Variants in FANCD2 observed in about 807,000 individuals in gnomAD.
The protein encoded by FANCD2 is FA complementation group D2, also known as Fanconi anemia group D2 protein.
FANCD2 carries 131 observed loss-of-function variants against 192.3 expected under a neutral mutation model. The ratio of observed to expected loss-of-function variants is 0.68; its 90% CI spans 0.59 to 0.79. The LOEUF is 0.79. Ranked by LOEUF, FANCD2 falls within the 30% of genes least tolerant of loss-of-function variation. The pLI, the probability that FANCD2 is intolerant of heterozygous loss-of-function variation, is 0.00. For missense variants in FANCD2, 1,508 were observed against 1,701.6 expected (o/e 0.89, Z 2.00); for synonymous variants, 524 against 612.5 (o/e 0.86, Z 2.13).
In FANCD2 at chr3:10,070,096, C is replaced by T. The variant is rs1321650729; in HGVS notation, c.2495-2775C>T. Among the ~76,000 whole-genome samples the T allele has an allele frequency of 1.9e-3, 259 of 134,640 alleles. 1 individual carries two copies. Among genetic ancestry groups the T allele is most frequent in the African/African-American group, 6.8e-3 (241 of 35,508 alleles). The allele number at this position is 134,640 out of a possible 152,430, so 88.3% of individuals were successfully genotyped here. A position where few individuals can be genotyped will look rare whatever the true frequency, so the allele number is the denominator to read the frequency against. ...ACCGCCCCGTCTGGGATGTGAGGAG[C>T]GCCTCTGCCCGGCCGCGACCCCGTC... is the stretch of plus-strand genomic sequence containing the variant. On this transcript the variant is annotated intron_variant, in intron 26 of 43. Transcript: ENST00000675286.
intron 12 of FANCD2, 37 bp downstream of exon 12, chr3:10,043,187 T>A: frequency 6.6e-7 from 1 of 1,510,300 alleles, no homozygotes; most frequent in South Asian, 1.1e-5. Context: ...GTCACAATTT[T>A]CTGACATCCC....
chr3:10,089,030 C>A (rs1377737232), intron 36 of FANCD2, 80 bp downstream of exon 36: 1 of 1,521,206 alleles, frequency 6.6e-7, no homozygotes, highest in Non-Finnish European at 9.1e-7. Context: ...CACCTGTAAT[C>A]CCAGCACTTT....
chr3:10,091,255 A>G (rs1205058260), intron 37 of FANCD2, among the ~76,000 whole-genome samples: 1 of 150,952 alleles, frequency 6.6e-6, no homozygotes, highest in East Asian at 2.0e-4. Flanking sequence ...TAATTTTTCT[A>G]TTTTTAGTAG....
chr3:10,049,420 C>T lies in FANCD2; in HGVS notation c.1460C>T (p.Ala487Val), dbSNP rs1362952789. Residue 487 changes from alanine to valine, a missense_variant, in exon 17 of 44, where the codon GCT (alanine) becomes GTT (valine). This residue lies in a region of FANCD2 where 108 missense variants were observed against 174.1 expected (regional missense o/e 0.62). Transcript: ENST00000675286. ...LVTHICSGNEAEVDTALDVLL... is the reference protein window; with the variant it reads ...LVTHICSGNEVEVDTALDVLL... Reference sequence around the variant, plus strand: ...ACCCATATCTGCAGTGGGAATGAAGCTGAAGTTGATACTGCCTTAGATGTC... The same window carrying T: ...ACCCATATCTGCAGTGGGAATGAAGTTGAAGTTGATACTGCCTTAGATGTC... 1 of 1,612,198 alleles carries T rather than the reference C, an allele frequency of 6.2e-7. No individual in the cohort carries two copies. The highest frequency in any genetic ancestry group is 8.5e-7 in the Non-Finnish European group (1 of 1,179,082).
chr3:10,068,651 A>C (rs183157403), intron 26 of FANCD2, among the ~76,000 whole-genome samples: 3 of 152,192 alleles, frequency 2.0e-5, no homozygotes, highest in Admixed American at 2.0e-4. Context: ...AAAAGCCTAA[A>C]ATTTATATAG....
chr3:10,055,123 A>G (rs1288531162), intron 18 of FANCD2, among the ~76,000 whole-genome samples: 7 of 152,314 alleles, frequency 4.6e-5, no homozygotes, highest in African/African-American at 1.7e-4. Context: ...CAGCAATATA[A>G]AACTACTTCA....
intron 15 of FANCD2, among the ~76,000 whole-genome samples, chr3:10,047,563 A>G (rs2087059060): frequency 6.6e-6 from 1 of 152,298 alleles, no homozygotes; most frequent in Non-Finnish European, 1.5e-5. Flanking sequence ...ACTTCAAATT[A>G]TAACCAAGGT....
intron 43 of FANCD2, among the ~76,000 whole-genome samples, chr3:10,100,546 A>C (rs913198710): frequency 6.6e-6 from 1 of 152,124 alleles, no homozygotes; most frequent in Non-Finnish European, 1.5e-5. Flanking sequence ...TAGTTTTTGT[A>C]TATTTAGTAG....
At position 10,093,270 on chromosome 3, in the gene FANCD2, C is replaced by T. The variant is rs747410472; in HGVS notation, c.3850-15C>T. ...GCAGATCTCAGCCTTGGTTTCTTGT[C>T]TTTCACCTCTCCAGGTATTTGATAG... is the stretch of plus-strand genomic sequence containing the variant. On this transcript the variant is annotated splice_polypyrimidine_tract_variant and intron_variant, in intron 38 of 43. Transcript: ENST00000675286. 13 of 1,612,102 alleles carry T rather than the reference C, an allele frequency of 8.1e-6. No individual in the cohort carries two copies. The Admixed American group carries it at 2.0e-4, about 25-fold the overall frequency.
chr3:10,073,956 T>C (rs927096344), intron 28 of FANCD2, among the ~76,000 whole-genome samples: 1 of 152,102 alleles, frequency 6.6e-6, no homozygotes, highest in Non-Finnish European at 1.5e-5. Context: ...TTTTTGTTTT[T>C]TGTTTTTGAG....
At chr3:10,066,009 A>G in intron 25 of FANCD2, 30 bp downstream of exon 25, 2 of 1,365,674 alleles carry the variant, frequency 1.5e-6, no homozygotes, top group Non-Finnish European at 2.1e-6. Context: ...TGTTTCACTT[A>G]TTGTGCATAG....
intron 18 of FANCD2, among the ~76,000 whole-genome samples, chr3:10,053,570 T>G (rs141025354): frequency 1.7e-3 from 260 of 151,846 alleles, no homozygotes; most frequent in African/African-American, 6.0e-3. Context: ...TAAAAAAAAT[T>G]TTTTTGTATT....
intron 2 of FANCD2, chr3:10,032,430 G>A (rs968604587): frequency 1.8e-5 from 5 of 283,936 alleles, no homozygotes; most frequent in East Asian, 1.1e-4. Context: ...ACAGGTGTGC[G>A]TCTCCTCACC....
chr3:10,089,015 G>T, intron 36 of FANCD2, 65 bp downstream of exon 36: 2 of 1,569,446 alleles, frequency 1.3e-6, no homozygotes, highest in Non-Finnish European at 1.7e-6. Context: ...GGGCACGGTG[G>T]CACACACCTG....
At position 10,041,226 on chromosome 3, in the gene FANCD2, C is replaced by T. The variant is rs1343480383; in HGVS notation, c.696-397C>T. On this transcript the variant is annotated intron_variant, in intron 9 of 43. Transcript: ENST00000675286. ...AAAAACAAACAAACAAAAAAAAAAGCAATCTATCACTGTCCTTCTCACTAT... is the reference window on the plus strand; with the variant it reads ...AAAAACAAACAAACAAAAAAAAAAGTAATCTATCACTGTCCTTCTCACTAT... 3.6e-5 allele frequency: 8 copies of T among 220,446 alleles called. No homozygotes were observed. In the South Asian group the frequency reaches 3.8e-4, roughly 11 times the overall value. 13.7% of individuals were successfully genotyped at this position (220,446 alleles called of 1,614,324 possible).
chr3:10,097,749 A>G (rs1695058959), intron 42 of FANCD2, among the ~76,000 whole-genome samples: 1 of 152,242 alleles, frequency 6.6e-6, no homozygotes, highest in Admixed American at 6.5e-5. Context: ...GGCATAGGAA[A>G]TCACAAGGGT....
chr3:10,095,752 C>G (rs1402915227), intron 41 of FANCD2, among the ~76,000 whole-genome samples: 1 of 152,212 alleles, frequency 6.6e-6, no homozygotes, highest in African/African-American at 2.4e-5. Flanking sequence ...GGTATTGTCA[C>G]GTTTTGTCTG....
At chr3:10,050,622 CAAAA>C (rs58316932) in intron 17 of FANCD2, among the ~76,000 whole-genome samples, 1 of 59,626 alleles carries the variant, frequency 1.7e-5, no homozygotes, top group Non-Finnish European at 3.6e-5. Flanking sequence ...GACTCTGTCT[CAAAA>C]AAAAAAAAAA....
In FANCD2 at chr3:10,091,610, C is replaced by A. The variant is rs34758446; in HGVS notation, c.3778-571C>A. On this transcript the variant is annotated intron_variant, in intron 37 of 43. Coordinates refer to ENST00000675286, the MANE Select transcript of FANCD2 (RefSeq NM_001018115.3). ...ACAGTATCTCAAACAGGCTGGCTTACCTCATGCCAGTTAGCAGGAGGCAAA... is the reference window on the plus strand; with the variant it reads ...ACAGTATCTCAAACAGGCTGGCTTAACTCATGCCAGTTAGCAGGAGGCAAA... Among the ~76,000 whole-genome samples, 212 of 152,056 alleles carry A rather than the reference C, an allele frequency of 1.4e-3. 5 individuals are homozygous for A. The South Asian group carries it at 0.026, about 19-fold the overall frequency.
Sources: gnomAD v4.1 joint callset for allele counts (sites outside exome capture counted in the v4.1 genomes callset) on GRCh38, gnomAD v4.1.1 for gene constraint, gnomAD v4.1.1 regional missense constraint, MANE v1.5 for transcripts, NCBI Gene and HGNC (gene_info 2026-07-23, HGNC 2026-07-21) for gene names.